The following RXFP1 variants were observed in gnomAD, a reference collection of about 807,000 sequenced individuals.
The protein encoded by RXFP1 is relaxin receptor 1.
Under a neutral mutation model 89.8 loss-of-function variants are expected in RXFP1, and 73 were observed. That is an observed-to-expected ratio of 0.81 (90% confidence interval 0.67 to 0.99). The LOEUF is 0.99. Ranked by LOEUF, RXFP1 falls within the 50% of genes least tolerant of loss-of-function variation. RXFP1 has a pLI of 0.00. For missense variants in RXFP1, 793 were observed against 895.5 expected, an observed-to-expected ratio of 0.89 and a Z score of 1.46; for synonymous variants, 277 against 305.5, an observed-to-expected ratio of 0.91 and a Z score of 0.97.
At chr4:158,544,811 T>A (rs1433823833) in intron 1 of RXFP1, among the ~76,000 whole-genome samples, 3 of 152,222 alleles carry the variant, frequency 2.0e-5, no homozygotes, top group Non-Finnish European at 4.4e-5. Context: ...TATTCCATGG[T>A]GTATATGTGC....
intron 6 of RXFP1, among the ~76,000 whole-genome samples, chr4:158,609,560 T>C (rs1763175317): frequency 6.6e-6 from 1 of 152,236 alleles, no homozygotes; most frequent in African/African-American, 2.4e-5. Context: ...TATACTGTTC[T>C]GTATCCTAAC....
chr4:158,612,874 G>T (rs999940386), intron 8 of RXFP1, among the ~76,000 whole-genome samples: 8 of 152,128 alleles, frequency 5.3e-5, no homozygotes, highest in African/African-American at 1.7e-4. Context: ...CTCCCAAAGT[G>T]CTGGGATTAA....
chr4:158,635,811 T>C (rs769385799), intron 12 of RXFP1, among the ~76,000 whole-genome samples: 1 of 152,050 alleles, frequency 6.6e-6, no homozygotes, highest in Non-Finnish European at 1.5e-5. Flanking sequence ...ATGTAACTTA[T>C]GGTCTAATCT....
rs1769638937 is a variant in RXFP1, at chr4:158,638,373, C to G, written c.1043+294C>G. The stretch of plus-strand genomic sequence containing the variant: ...TCAAAGACATCTGTGCATATTCACT[C>G]TCTTAACACTGGGTATTTTATAATT... On this transcript the variant is annotated intron_variant, in intron 13 of 17. Coordinates refer to ENST00000307765, the MANE Select transcript of RXFP1 (RefSeq NM_021634.4). 3.9e-5 allele frequency among the ~76,000 whole-genome samples: 6 copies of G among 152,104 alleles called. No homozygotes were observed. In the South Asian group the frequency reaches 1.2e-3, roughly 31 times the overall value.
At chr4:158,536,773 C>A (rs1745365307) in intron 1 of RXFP1, among the ~76,000 whole-genome samples, 1 of 152,076 alleles carries the variant, frequency 6.6e-6, no homozygotes, top group African/African-American at 2.4e-5. Flanking sequence ...TGAACAAAGT[C>A]ATATTCTTCC....
At chr4:158,567,062 G>T (rs1410852561) in intron 1 of RXFP1, among the ~76,000 whole-genome samples, 1 of 152,208 alleles carries the variant, frequency 6.6e-6, no homozygotes, top group Non-Finnish European at 1.5e-5. Context: ...CCAGTCAGGG[G>T]TAGTGAGGGG....
intron 1 of RXFP1, 94 bp from the exon 2 acceptor site, chr4:158,572,604 A>G: frequency 1.7e-6 from 2 of 1,148,476 alleles, no homozygotes; most frequent in East Asian, 4.7e-5. Flanking sequence ...GATGAGAAAG[A>G]CAAATGATTA....
intron 1 of RXFP1, among the ~76,000 whole-genome samples, chr4:158,524,326 C>T (rs1044785598): frequency 1.3e-5 from 2 of 152,190 alleles, no homozygotes; most frequent in African/African-American, 2.4e-5. Flanking sequence ...AAGCCCGTTA[C>T]AGACGTAAGC....
intron 1 of RXFP1, among the ~76,000 whole-genome samples, chr4:158,564,354 T>G (rs969002698): frequency 5.9e-5 from 9 of 152,202 alleles, no homozygotes; most frequent in Non-Finnish European, 1.2e-4. Context: ...AACACCTACC[T>G]GTGGTTATAC....
At chr4:158,578,627 A>G (rs1204326534) in intron 2 of RXFP1, among the ~76,000 whole-genome samples, 1 of 152,194 alleles carries the variant, frequency 6.6e-6, no homozygotes, top group Non-Finnish European at 1.5e-5. Context: ...TTGCTCTAGC[A>G]TTCCTTCTGT....
At chr4:158,590,724 C>T (rs950818929) in intron 2 of RXFP1, among the ~76,000 whole-genome samples, 7 of 152,158 alleles carry the variant, frequency 4.6e-5, no homozygotes, top group African/African-American at 1.7e-4. Flanking sequence ...ATAGATAACC[C>T]ATCCGATGTT....
At chr4:158,626,763 AATTT>A in intron 9 of RXFP1, 53 bp from the exon 10 acceptor site, 2 of 1,077,278 alleles carry the variant, frequency 1.9e-6, no homozygotes, top group Non-Finnish European at 2.7e-6. Flanking sequence ...AATTTTAACC[AATTT>A]ATTTCTCTCC....
chr4:158,647,609 CTA>C (rs1363009872), intron 16 of RXFP1, among the ~76,000 whole-genome samples: 1 of 152,140 alleles, frequency 6.6e-6, no homozygotes, highest in Non-Finnish European at 1.5e-5. Context: ...ATGGCTTGTG[CTA>C]TAATCTCAGT....
chr4:158,578,924 A>G (rs1756791225), intron 2 of RXFP1, among the ~76,000 whole-genome samples: 1 of 150,950 alleles, frequency 6.6e-6, no homozygotes, highest in Admixed American at 6.6e-5. Context: ...GCCAAAAATT[A>G]ACGTGCAAAT....
At chr4:158,619,566 C>G (rs1765214402) in intron 9 of RXFP1, among the ~76,000 whole-genome samples, 1 of 152,156 alleles carries the variant, frequency 6.6e-6, no homozygotes, top group African/African-American at 2.4e-5. Flanking sequence ...ATTTAGCTAT[C>G]TTTAACAGGC....
intron 14 of RXFP1, among the ~76,000 whole-genome samples, chr4:158,642,894 T>C (rs746908760): frequency 2.0e-5 from 3 of 152,194 alleles, no homozygotes; most frequent in African/African-American, 7.2e-5. Flanking sequence ...GGCTCCTGAA[T>C]AGGTCTTCCA....
chr4:158,590,860 T>C (rs1421346211), intron 2 of RXFP1, among the ~76,000 whole-genome samples: 3 of 152,054 alleles, frequency 2.0e-5, no homozygotes, highest in African/African-American at 7.2e-5. Flanking sequence ...ACAGGAAAAA[T>C]GTGTTTGTAG....
intron 1 of RXFP1, among the ~76,000 whole-genome samples, chr4:158,529,244 T>TTG (rs1743379741): frequency 9.1e-6 from 1 of 109,994 alleles, no homozygotes; most frequent in African/African-American, 3.8e-5. Context: ...TTGCTTGTTT[T>TTG]TTGTTGTTGT....
At chr4:158,567,902 G>A (rs767900532) in intron 1 of RXFP1, among the ~76,000 whole-genome samples, 5 of 152,208 alleles carry the variant, frequency 3.3e-5, no homozygotes, top group Non-Finnish European at 5.9e-5. Context: ...TCTCCTTCCA[G>A]CTTGTGGTGG....
Sources: allele counts gnomAD v4.1 joint callset (sites outside exome capture counted in the v4.1 genomes callset), GRCh38; gene constraint gnomAD v4.1.1; transcripts MANE v1.5; gene names NCBI Gene and HGNC (gene_info 2026-07-23, HGNC 2026-07-21).